The following GARRE1 variants were observed in gnomAD, a reference collection of about 807,000 sequenced individuals.
GARRE1 encodes the protein granule associated Rac and RHOG effector 1.
GARRE1 carries 49 observed loss-of-function variants against 103.2 expected under a neutral mutation model. The ratio of observed to expected loss-of-function variants is 0.47; its 90% confidence interval spans 0.38 to 0.60. The LOEUF (loss-of-function observed/expected upper bound fraction) is 0.60, where lower values mean the gene tolerates loss of function less well. GARRE1 is among the 20% of genes least tolerant of loss of function. The probability of loss-of-function intolerance (pLI) is 0.00; values close to 1 mark genes in which losing one functional copy is unlikely to be tolerated. For synonymous variants in GARRE1, 505 were observed against 532.8 expected, an observed-to-expected ratio of 0.95 and a Z score of 0.72; for missense variants, 1,199 against 1,370.5, an observed-to-expected ratio of 0.87 and a Z score of 1.98.
At chr19:34,315,024 G>A (rs143558759) in intron 2 of GARRE1, among the ~76,000 whole-genome samples, 75 of 152,272 alleles carry the variant, frequency 4.9e-4, no homozygotes, top group East Asian at 1.3e-3. Context: ...GAGTATTGAA[G>A]AGAAAGAAAT....
chr19:34,349,273 G>A, intron 12 of GARRE1, 120 bp downstream of exon 12: 1 of 989,470 alleles, frequency 1.0e-6, no homozygotes, highest in South Asian at 1.5e-5. Context: ...GAGAGGAGGG[G>A]CTCTTCCAGC....
At position 34,341,549 on chromosome 19, in the gene GARRE1, C is replaced by A; in HGVS notation, c.1615C>A (p.Leu539Met). 1 of 1,614,182 alleles carries A rather than the reference C, an allele frequency of 6.2e-7. No homozygotes were observed. Among genetic ancestry groups the A allele is most frequent in the Non-Finnish European group, 8.5e-7 (1 of 1,180,036 alleles). The part of the protein sequence containing the change: ...SGGLQKTFSK[L>M]TSRFTKKASC... ...TGGCCTGCAGAAGACATTCTCCAAA[C>A]TGACATCCCGGTTCACCAAGAAAGC... Residue 539 changes from leucine (L) to methionine (M), a missense_variant, in exon 10 of 14, where the codon CTG becomes ATG. Coordinates refer to ENST00000299505, the MANE Select transcript of GARRE1 (RefSeq NM_014686.5).
intron 12 of GARRE1, 83 bp downstream of exon 12, chr19:34,349,236 G>T (rs1456078107): frequency 1.4e-6 from 2 of 1,411,316 alleles, no homozygotes; most frequent in Middle Eastern, 1.8e-4. Context: ...AAAGCCAGGA[G>T]CCCAGTCACC....
At position 34,279,481 on chromosome 19, in the gene GARRE1, CGAG is replaced by C. The variant is rs375265382; in HGVS notation, c.-795-20196_-795-20194del. Among the ~76,000 whole-genome samples, 7 of 151,652 alleles carry C rather than the reference CGAG, an allele frequency of 4.6e-5. No individual in the cohort carries two copies. The South Asian group carries it at 1.5e-3, about 32-fold the overall frequency. The stretch of plus-strand genomic sequence containing the variant: ...TTTTTTTTTTTATTTTTAGTAGAGA[CGAG>C]GTTTCTCCATGTTGCCCAGGCTGGC... On this transcript the variant is annotated intron_variant, in intron 1 of 13. Coordinates refer to ENST00000299505, the MANE Select transcript of GARRE1 (RefSeq NM_014686.5).
chr19:34,266,502 T>C (rs1473184491), intron 1 of GARRE1, among the ~76,000 whole-genome samples: 1 of 152,120 alleles, frequency 6.6e-6, no homozygotes, highest in Non-Finnish European at 1.5e-5. Context: ...GCTGGGACTG[T>C]AGGCGCATGC....
At chr19:34,338,581 C>T (rs2074171268) in intron 8 of GARRE1, among the ~76,000 whole-genome samples, 1 of 152,010 alleles carries the variant, frequency 6.6e-6, no homozygotes, top group African/African-American at 2.4e-5. Context: ...CCTGAATGGA[C>T]GGTGGAGACC....
intron 1 of GARRE1, among the ~76,000 whole-genome samples, chr19:34,276,610 A>T (rs998544069): frequency 6.6e-6 from 1 of 152,110 alleles, no homozygotes; most frequent in African/African-American, 2.4e-5. Flanking sequence ...TAATCCTGTT[A>T]CCTGGCTGTG....
chr19:34,270,508 G>A (rs73580711), intron 1 of GARRE1, among the ~76,000 whole-genome samples: 2,761 of 152,248 alleles, frequency 0.018, 93 homozygotes, highest in African/African-American at 0.063. Context: ...AGGATAGGGA[G>A]GTGGATTCTG....
At chr19:34,273,465 G>A (rs1320151114) in intron 1 of GARRE1, among the ~76,000 whole-genome samples, 2 of 152,042 alleles carry the variant, frequency 1.3e-5, no homozygotes, top group Non-Finnish European at 2.9e-5. Context: ...GGTTGGCAAG[G>A]GTGACTTCAT....
intron 1 of GARRE1, among the ~76,000 whole-genome samples, chr19:34,270,571 G>A (rs1384800698): frequency 6.6e-6 from 1 of 152,156 alleles, no homozygotes; most frequent in Non-Finnish European, 1.5e-5. Flanking sequence ...GAGGAGCCTA[G>A]TCTGCTCTCT....
chr19:34,303,841 C>T (rs4806009), intron 2 of GARRE1, among the ~76,000 whole-genome samples: 6,169 of 152,244 alleles, frequency 0.041, 186 homozygotes, highest in Admixed American at 0.11. Context: ...GTCTCAAACT[C>T]CTGACCTCAA....
At position 34,352,906 on chromosome 19, in the gene GARRE1, C is replaced by A. The variant is rs754414671; in HGVS notation, c.3164C>A (p.Ala1055Asp). Reference protein sequence around the residue: ...AHKAAPKGFKAFPGKGERRPA... With the variant: ...AHKAAPKGFKDFPGKGERRPA... ...AAGGCAGCACCCAAGGGCTTCAAGG[C>A]CTTCCCTGGGAAGGGTGAGCGCAGG... is the stretch of plus-strand genomic sequence containing the variant. The change falls in exon 14 of 14, where the codon GCC becomes GAC. Residue 1055 changes from alanine (A) to aspartate (D), a missense_variant. Physicochemically the swap from Ala to Asp is moderately radical, Grantham distance 126. Coordinates refer to ENST00000299505, the MANE Select transcript of GARRE1 (RefSeq NM_014686.5). The A allele has an allele frequency of 6.3e-7, 1 of 1,578,826 alleles. No homozygotes were observed. The highest frequency in any genetic ancestry group is 1.1e-5 in the South Asian group (1 of 87,648).
chr19:34,348,051 TG>T lies in GARRE1; in HGVS notation c.2687+12del. 7.0e-7 allele frequency: 1 copy of T among 1,424,500 alleles called. No homozygotes were observed. Among genetic ancestry groups the T allele is most frequent in the Non-Finnish European group, 9.3e-7 (1 of 1,077,708 alleles). 88.2% of individuals were successfully genotyped at this position (1,424,500 alleles called of 1,614,324 possible). On this transcript the variant is annotated intron_variant, in intron 11 of 13. Transcript: ENST00000299505. ...GAGTTCTTCACAGAAGGGTGAGTGC[TG>T]GGTACTTCAGGGAATCTGAGCTTGA... is the stretch of plus-strand genomic sequence containing the variant.
chr19:34,320,032 C>A lies in GARRE1; in HGVS notation c.621C>A (p.Asn207Lys). The change falls in exon 3 of 14, where the codon AAC becomes AAA. Residue 207 changes from asparagine to lysine, a missense_variant. By Grantham distance (94) the Asn-to-Lys change is moderately conservative (BLOSUM62 0). Coordinates refer to ENST00000299505, the MANE Select transcript of GARRE1 (RefSeq NM_014686.5). ...FAEVIVPEKKNSGSGGGLSGM... is the reference protein window; with the variant it reads ...FAEVIVPEKKKSGSGGGLSGM... Reference sequence around the variant, plus strand: ...AGGTCATCGTGCCAGAAAAAAAGAACAGCGGCAGTGGCGGCGGCTTATCTG... The same window carrying A: ...AGGTCATCGTGCCAGAAAAAAAGAAAAGCGGCAGTGGCGGCGGCTTATCTG... The A allele has an allele frequency of 1.9e-6, 3 of 1,614,242 alleles. No homozygotes were observed. Among genetic ancestry groups the A allele is most frequent in the Non-Finnish European group, 2.5e-6 (3 of 1,180,046 alleles).
At position 34,327,980 on chromosome 19, in the gene GARRE1, C is replaced by G; in HGVS notation, c.943-10C>G. On this transcript the variant is annotated splice_polypyrimidine_tract_variant and intron_variant, in intron 5 of 13. Transcript: ENST00000299505. The stretch of plus-strand genomic sequence containing the variant: ...GGTCACCTCTCCTCTTCCATCCATG[C>G]CTTTTCCAGGGCTGCTGCAGCGAGG... 6.2e-7 allele frequency: 1 copy of G among 1,614,152 alleles called. No homozygotes were observed. The highest frequency in any genetic ancestry group is 8.5e-7 in the Non-Finnish European group (1 of 1,180,020).
chr19:34,263,411 A>G (rs1405728667), intron 1 of GARRE1, among the ~76,000 whole-genome samples: 1 of 151,936 alleles, frequency 6.6e-6, no homozygotes, highest in Non-Finnish European at 1.5e-5. Flanking sequence ...AGGCTGAGTT[A>G]GCTTTTTCTT....
chr19:34,348,670 G>A (rs2074223675), intron 11 of GARRE1: 1 of 180,116 alleles, frequency 5.6e-6, no homozygotes, highest in Non-Finnish European at 1.2e-5. Context: ...TTGTTGCAAA[G>A]GTTAATGTGT....
intron 10 of GARRE1, among the ~76,000 whole-genome samples, chr19:34,345,499 G>C (rs1323280978): frequency 6.6e-6 from 1 of 152,214 alleles, no homozygotes; most frequent in Non-Finnish European, 1.5e-5. Flanking sequence ...ACTAAATCCA[G>C]AGTATAAACA....
At chr19:34,345,581 A>T (rs2074207204) in intron 10 of GARRE1, among the ~76,000 whole-genome samples, 1 of 152,202 alleles carries the variant, frequency 6.6e-6, no homozygotes, top group East Asian at 1.9e-4. Context: ...GCACTTTGAG[A>T]GGCTGAGGCC....
Sources: allele counts gnomAD v4.1 joint callset (sites outside exome capture counted in the v4.1 genomes callset), GRCh38; gene constraint gnomAD v4.1.1; transcripts MANE v1.5; gene names NCBI Gene and HGNC (gene_info 2026-07-23, HGNC 2026-07-21).